The following SATB2 variants were observed in gnomAD, a reference collection of about 807,000 sequenced individuals.
SATB2 encodes the protein SATB homeobox 2.
A neutral mutation model predicts 73.4 loss-of-function variants in SATB2; 1 was observed. That is an observed-to-expected ratio of 0.01 (90% CI 0.00 to 0.06). The LOEUF (loss-of-function observed/expected upper bound fraction) is 0.06. Ranked by LOEUF, SATB2 falls within the 10% of genes least tolerant of loss-of-function variation. The pLI, the probability that SATB2 is intolerant of heterozygous loss-of-function variation, is 1.00. For synonymous variants in SATB2, 397 were observed against 367.0 expected, an observed-to-expected ratio of 1.08 and a Z score of -0.93; for missense variants, 459 against 945.8, an observed-to-expected ratio of 0.49 and a Z score of 6.75.
chr2:199,468,400 C>T (rs1032782049), upstream of SATB2: 5 of 151,960 alleles, frequency 3.3e-5, no homozygotes. Flanking sequence ...TGGCTTGTAG[C>T]TCTTTCCTAC....
At chr2:199,394,965 C>T (rs1185161822) in intron 3 of SATB2, among the ~76,000 whole-genome samples, 1 of 152,128 alleles carries the variant, frequency 6.6e-6, no homozygotes, top group East Asian at 1.9e-4. Context: ...TCCATTTAAT[C>T]TCATTTCATG....
chr2:199,429,685 G>A (rs1394874052), intron 3 of SATB2, among the ~76,000 whole-genome samples: 7 of 152,136 alleles, frequency 4.6e-5, no homozygotes, highest in East Asian at 1.9e-4. Context: ...CGAGGTGGGC[G>A]GATCACCTGA....
chr2:199,294,836 A>C (rs964374151), intron 10 of SATB2, among the ~76,000 whole-genome samples: 2 of 152,220 alleles, frequency 1.3e-5, no homozygotes, highest in Non-Finnish European at 2.9e-5. Flanking sequence ...TTCCATATTC[A>C]CATATATTCA....
upstream of SATB2, among the ~76,000 whole-genome samples, chr2:199,466,344 C>T: frequency 6.6e-6 from 1 of 152,158 alleles, no homozygotes; most frequent in East Asian, 1.9e-4. Context: ...CCATTTTCTG[C>T]TTTCCCAGAG....
upstream of SATB2, among the ~76,000 whole-genome samples, chr2:199,460,281 CTG>C (rs974262732): frequency 6.6e-5 from 10 of 152,150 alleles, no homozygotes; most frequent in African/African-American, 1.4e-4. The surrounding 1 kb of genome is among the most constrained non-coding windows in gnomAD (Gnocchi z 4.0). Flanking sequence ...AAGAAACAAA[CTG>C]TAAGTTTTGA....
chr2:199,391,736 T>C (rs989829345), intron 3 of SATB2, among the ~76,000 whole-genome samples: 3 of 152,142 alleles, frequency 2.0e-5, no homozygotes, highest in East Asian at 3.9e-4. Context: ...GTTTCTCTAA[T>C]TGAATCAAAA....
intron 10 of SATB2, among the ~76,000 whole-genome samples, chr2:199,279,439 G>T (rs1479517533): frequency 6.6e-6 from 1 of 152,210 alleles, no homozygotes. Context: ...GTGAGATCTT[G>T]AATGATTAAG....
chr2:199,339,699 A>C (rs546401647), intron 7 of SATB2, among the ~76,000 whole-genome samples: 1 of 152,306 alleles, frequency 6.6e-6, no homozygotes, highest in South Asian at 2.1e-4. Flanking sequence ...GATGACTGAG[A>C]CCAGACGTAG....
intron 3 of SATB2, among the ~76,000 whole-genome samples, chr2:199,420,038 C>T (rs1691117452): frequency 6.6e-6 from 1 of 152,176 alleles, no homozygotes; most frequent in Non-Finnish European, 1.5e-5. Context: ...ATGTCTTAAT[C>T]ATGCCCTAGA....
chr2:199,392,416 G>GAAAA (rs34507550), intron 3 of SATB2, among the ~76,000 whole-genome samples: 3 of 145,346 alleles, frequency 2.1e-5, no homozygotes, highest in Admixed American at 2.0e-4. Flanking sequence ...CAATACCCAG[G>GAAAA]AAAAAAAAAA....
intron 3 of SATB2, among the ~76,000 whole-genome samples, chr2:199,403,644 T>C (rs1219490394): frequency 1.3e-5 from 2 of 152,224 alleles, no homozygotes; most frequent in Admixed American, 6.5e-5. Flanking sequence ...AGGAAGCTAT[T>C]TGCATTCAGA....
At chr2:199,281,482 T>TATACAC (rs1553539933) in intron 10 of SATB2, among the ~76,000 whole-genome samples, 1 of 150,542 alleles carries the variant, frequency 6.6e-6, no homozygotes, top group East Asian at 2.0e-4. Flanking sequence ...ATGAGATATA[T>TATACAC]ACACACACAC....
chr2:199,390,168 T>G (rs766112565), intron 3 of SATB2, among the ~76,000 whole-genome samples: 7 of 152,146 alleles, frequency 4.6e-5, no homozygotes, highest in Non-Finnish European at 7.4e-5. Flanking sequence ...TCAGAAATCT[T>G]TATTTAATTT....
intron 2 of SATB2, among the ~76,000 whole-genome samples, chr2:199,453,592 A>C (rs947834268): frequency 2.6e-5 from 4 of 152,018 alleles, no homozygotes; most frequent in African/African-American, 9.7e-5. Context: ...TAAAATTTAG[A>C]ATGTGCATTT....
intron 10 of SATB2, among the ~76,000 whole-genome samples, chr2:199,280,908 G>A (rs866606896): frequency 6.6e-6 from 1 of 152,000 alleles, no homozygotes; most frequent in African/African-American, 2.4e-5. Context: ...CACCCTATTC[G>A]TACATTCCCT....
At chr2:199,340,182 A>C (rs945127666) in intron 7 of SATB2, among the ~76,000 whole-genome samples, 6 of 152,222 alleles carry the variant, frequency 3.9e-5, no homozygotes, top group Non-Finnish European at 8.8e-5. Flanking sequence ...AATTGTATTT[A>C]TGATCCTTGT....
At chr2:199,377,203 C>T (rs934637202) in intron 5 of SATB2, among the ~76,000 whole-genome samples, 3 of 151,984 alleles carry the variant, frequency 2.0e-5, no homozygotes, top group Non-Finnish European at 4.4e-5. Flanking sequence ...GGTGAAATCA[C>T]GTCTCTACTA....
At chr2:199,306,011 A>G (rs1374361) in intron 10 of SATB2, among the ~76,000 whole-genome samples, 119,972 of 152,078 alleles carry the variant, frequency 0.79, 48,996 homozygotes, top group Non-Finnish European at 0.89. Flanking sequence ...CACCAAACTA[A>G]TATTACCCTA....
intron 1 of SATB2, chr2:199,470,786 T>C (rs1443303078): frequency 6.6e-6 from 1 of 152,376 alleles, no homozygotes; most frequent in Non-Finnish European, 1.5e-5. Context: ...GGAGTGCGCA[T>C]TGCGCTAACA....
Sources: allele counts gnomAD v4.1 joint callset (sites outside exome capture counted in the v4.1 genomes callset), GRCh38; gene constraint gnomAD v4.1.1; non-coding constraint Gnocchi (gnomAD v3.1); transcripts MANE v1.5; gene names NCBI Gene and HGNC (gene_info 2026-07-23, HGNC 2026-07-21).